DSE: variants seen among roughly 807,000 people sequenced by gnomAD.
DSE encodes the protein dermatan-sulfate epimerase.
In DSE, 36 loss-of-function variants were observed where a neutral mutation model predicts 84.4. The observed-to-expected ratio is 0.43, with a 90% CI of 0.33 to 0.56. The LOEUF (loss-of-function observed/expected upper bound fraction) is 0.56. Among genes scored for constraint, DSE ranks in the 20% least tolerant of loss-of-function variants. DSE has a pLI of 0.06. For synonymous variants in DSE, 410 were observed against 430.1 expected (o/e 0.95, Z 0.58); for missense variants, 862 against 1,169.6 (o/e 0.74, Z 3.84).
chr6:116,389,517 GACAA>G (rs1167578322), intron 1 of DSE, among the ~76,000 whole-genome samples: 6 of 152,102 alleles, frequency 3.9e-5, no homozygotes, highest in African/African-American at 1.4e-4. Context: ...GTCATACAGT[GACAA>G]ACAACTGTGA....
chr6:116,435,825 C>A lies in DSE; in HGVS notation c.1357C>A (p.Pro453Thr). ...WRNFNAGHEH[P>T]DQNSFTFAPN... Reference sequence around the variant, plus strand: ...AAATTTTAATGCAGGGCATGAACATCCTGATCAAAACTCATTTACTTTTGC... The same window carrying A: ...AAATTTTAATGCAGGGCATGAACATACTGATCAAAACTCATTTACTTTTGC... The change falls in exon 6 of 6, where the codon CCT becomes ACT. Residue 453 changes from proline (P) to threonine (T), a missense_variant. By Grantham distance (38) the Pro-to-Thr change is conservative. Transcript: ENST00000644252. 6.2e-7 allele frequency: 1 copy of A among 1,614,106 alleles called. No homozygotes were observed. Among genetic ancestry groups the A allele is most frequent in the Non-Finnish European group, 8.5e-7 (1 of 1,180,016 alleles).
chr6:116,285,211 T>G (rs532892399), intron 2 of DSE, among the ~76,000 whole-genome samples: 1 of 152,204 alleles, frequency 6.6e-6, no homozygotes, highest in Non-Finnish European at 1.5e-5. Flanking sequence ...TGATCGCCAT[T>G]CTAACTGGTA....
At position 116,399,587 on chromosome 6, in the gene DSE, T is replaced by A. The variant is rs1273428215; in HGVS notation, c.337T>A (p.Cys113Ser). ...CAACTTGGGTGCCTTGGCAATGTTC[T>A]GTGTGCTGTATCCTGAGAACATTGA... The part of the protein sequence containing the change: ...GNNLGALAMF[C>S]VLYPENIEAR... The change falls in exon 2 of 6, where the codon TGT (cysteine) becomes AGT (serine). Residue 113 changes from cysteine to serine, a missense_variant. Cys to Ser is a moderately radical substitution (Grantham distance 112). Around this residue, in one of 4 missense-constraint regions of DSE, gnomAD observed 309 missense variants for 516.9 expected, o/e 0.60. Transcript: ENST00000644252. 1.2e-6 allele frequency: 2 copies of A among 1,614,252 alleles called. No individual in the cohort carries two copies. Among genetic ancestry groups the A allele is most frequent in the Admixed American group, 3.3e-5 (2 of 60,026 alleles).
At chr6:116,266,219 A>G (rs1772621210) in intron 2 of DSE, among the ~76,000 whole-genome samples, 1 of 152,238 alleles carries the variant, frequency 6.6e-6, no homozygotes, top group Non-Finnish European at 1.5e-5. Flanking sequence ...AACAGCAGTC[A>G]TGGTATACTA....
At chr6:116,371,242 C>G (rs1212761809) in intron 1 of DSE, 121 bp downstream of exon 1, 13 of 977,168 alleles carry the variant, frequency 1.3e-5, no homozygotes, top group Non-Finnish European at 1.5e-5. Context: ...GCCACGTCCC[C>G]GGCTGAGAGC....
chr6:116,274,704 A>G (rs1773043779), intron 2 of DSE, among the ~76,000 whole-genome samples: 1 of 152,234 alleles, frequency 6.6e-6, no homozygotes, highest in African/African-American at 2.4e-5. Context: ...CTATATCAAG[A>G]AAGTGTTGCA....
intron 2 of DSE, among the ~76,000 whole-genome samples, chr6:116,308,051 C>T (rs1228686546): frequency 6.6e-6 from 1 of 152,128 alleles, no homozygotes; most frequent in Admixed American, 6.5e-5. Context: ...CAGAGTATAC[C>T]ATCACCATCC....
intron 1 of DSE, among the ~76,000 whole-genome samples, chr6:116,395,858 T>C (rs1037482260): frequency 6.6e-6 from 1 of 152,226 alleles, no homozygotes; most frequent in Non-Finnish European, 1.5e-5. Flanking sequence ...TGAAATTTTC[T>C]AGACAGATTT....
rs540788982 is a variant in DSE, at chr6:116,341,671, A to G, written c.-53-57527A>G. Reference sequence around the variant, plus strand: ...ATCCATCTTGAATTAATTTTTGTATAAGGTGTAAGGAAGGCATCCAGTTTC... The same window carrying G: ...ATCCATCTTGAATTAATTTTTGTATGAGGTGTAAGGAAGGCATCCAGTTTC... On this transcript the variant is annotated intron_variant, in intron 2 of 3. Transcript: ENST00000430252. Among the ~76,000 whole-genome samples, 10 of 152,332 alleles carry G rather than the reference A, an allele frequency of 6.6e-5. No individual in the cohort carries two copies. In the South Asian group the frequency reaches 2.1e-3, roughly 32 times the overall value.
chr6:116,342,832 G>A (rs1032352854), intron 2 of DSE, among the ~76,000 whole-genome samples: 26 of 152,266 alleles, frequency 1.7e-4, no homozygotes, highest in Admixed American at 1.3e-4. Context: ...TGCAGCCCAC[G>A]GAGCAGGGCG....
At chr6:116,339,077 C>G (rs6904424) in intron 2 of DSE, among the ~76,000 whole-genome samples, 31,209 of 141,492 alleles carry the variant, frequency 0.22, 3,430 homozygotes, top group East Asian at 0.29. Context: ...ATGAGTTGGT[C>G]TTCTTGTCTG....
At chr6:116,388,204 T>C (rs375816641) in intron 1 of DSE, among the ~76,000 whole-genome samples, 67 of 152,162 alleles carry the variant, frequency 4.4e-4, no homozygotes, top group African/African-American at 1.5e-3. Context: ...GGAAAACAGG[T>C]GGAATAGGTC....
chr6:116,325,907 G>T (rs1425213482), intron 2 of DSE, among the ~76,000 whole-genome samples: 1 of 152,124 alleles, frequency 6.6e-6, no homozygotes, highest in Admixed American at 6.5e-5. Context: ...AACTCTAAGG[G>T]GATGCACATG....
At chr6:116,259,033 A>C in intron 2 of DSE, 1 of 1,506,702 alleles carries the variant, frequency 6.6e-7, no homozygotes, top group Non-Finnish European at 9.2e-7. Flanking sequence ...ACTGATGTGC[A>C]CATCATCAGT....
intron 1 of DSE, chr6:116,257,072 A>G (rs1409377300): frequency 1.3e-5 from 2 of 152,232 alleles, no homozygotes; most frequent in Non-Finnish European, 2.9e-5. Context: ...AGATTGGAAA[A>G]TTTGTGAAAT....
intron 1 of DSE, chr6:116,257,227 G>A (rs934958468): frequency 1.3e-5 from 2 of 152,104 alleles, no homozygotes; most frequent in Admixed American, 1.3e-4. Context: ...ACCCTGTGAG[G>A]TGATATTATG....
chr6:116,422,072 C>A (rs1280046614), intron 2 of DSE, among the ~76,000 whole-genome samples: 2 of 152,154 alleles, frequency 1.3e-5, no homozygotes, highest in African/African-American at 4.8e-5. Context: ...ACATTAAAAT[C>A]CATTGGCATA....
chr6:116,388,017 G>GT lies in DSE; in HGVS notation c.-53-11180dup, dbSNP rs540233883. ...GGCTTGGCCTGAGCAGCTTTAATTA[G>GT]TATATTAGGGTTCTCCAGAGAAACA... is the stretch of plus-strand genomic sequence containing the variant. On this transcript the variant is annotated intron_variant, in intron 1 of 5. Transcript: ENST00000644252. Among the ~76,000 whole-genome samples, 282 of 152,262 alleles carry GT rather than the reference G, an allele frequency of 1.9e-3. 1 individual carries two copies. The highest frequency in any genetic ancestry group is 3.1e-3 in the Non-Finnish European group (209 of 68,004).
chr6:116,339,124 A>G (rs142447812), intron 2 of DSE, among the ~76,000 whole-genome samples: 18 of 152,046 alleles, frequency 1.2e-4, no homozygotes, highest in Non-Finnish European at 2.5e-4. Flanking sequence ...GATCTCCTCC[A>G]CCCCAGTCCT....
Sources: allele counts gnomAD v4.1 joint callset (sites outside exome capture counted in the v4.1 genomes callset), GRCh38; gene constraint gnomAD v4.1.1; regional missense constraint gnomAD v4.1.1; transcripts MANE v1.5; gene names NCBI Gene and HGNC (gene_info 2026-07-23, HGNC 2026-07-21).